Variants in NRG1 observed in about 807,000 individuals in gnomAD.
The protein encoded by NRG1 is pro-neuregulin-1, membrane-bound isoform.
NRG1 carries 18 observed loss-of-function variants against 63.8 expected under a neutral mutation model. The ratio of observed to expected loss-of-function variants is 0.28; its 90% CI spans 0.19 to 0.42. NRG1 has a LOEUF of 0.42. Among genes scored for constraint, NRG1 ranks in the 10% least tolerant of loss-of-function variants. The probability of loss-of-function intolerance (pLI) is 1.00; values close to 1 mark genes in which losing one functional copy is unlikely to be tolerated. For synonymous variants in NRG1, 302 were observed against 301.3 expected, an observed-to-expected ratio of 1.00 and a Z score of -0.02; for missense variants, 762 against 814.7, an observed-to-expected ratio of 0.94 and a Z score of 0.79.
intron 1 of NRG1, among the ~76,000 whole-genome samples, chr8:32,089,791 G>A (rs1473712377): frequency 1.3e-5 from 2 of 152,094 alleles, no homozygotes; most frequent in Admixed American, 1.3e-4. Context: ...GACACATATA[G>A]GTGGGAAAAA....
intron 1 of NRG1, among the ~76,000 whole-genome samples, chr8:31,792,777 A>G (rs1313436354): frequency 1.3e-5 from 2 of 152,212 alleles, no homozygotes; most frequent in East Asian, 1.9e-4. Flanking sequence ...AGTCTGGAAC[A>G]TGCCACATGT....
At chr8:31,663,689 G>A (rs1806237530) in intron 1 of NRG1, among the ~76,000 whole-genome samples, 1 of 152,178 alleles carries the variant, frequency 6.6e-6, no homozygotes, top group African/African-American at 2.4e-5. Flanking sequence ...GGGGAAGAGG[G>A]CTGGGTTATG....
chr8:31,675,731 A>G (rs539550092), intron 1 of NRG1, among the ~76,000 whole-genome samples: 2 of 152,316 alleles, frequency 1.3e-5, no homozygotes, highest in East Asian at 1.9e-4. Flanking sequence ...ATAACACCTT[A>G]CAATTGGAAA....
chr8:32,327,148 A>G (rs1802117576), intron 1 of NRG1, among the ~76,000 whole-genome samples: 1 of 152,216 alleles, frequency 6.6e-6, no homozygotes, highest in Non-Finnish European at 1.5e-5. Flanking sequence ...CAGAGATGAA[A>G]GAAAGAAGAG....
intron 1 of NRG1, among the ~76,000 whole-genome samples, chr8:32,344,384 C>CCTCTTTCTTTCTT (rs1462630663): frequency 0.025 from 1,760 of 69,482 alleles, 142 homozygotes; most frequent in Middle Eastern, 0.056. Flanking sequence ...CTTTCTTTCT[C>CCTCTTTCTTTCTT]TTTCTTTCTT....
intron 1 of NRG1, among the ~76,000 whole-genome samples, chr8:32,494,015 C>T (rs1826908632): frequency 6.6e-6 from 1 of 152,136 alleles, no homozygotes; most frequent in Non-Finnish European, 1.5e-5. Context: ...GCAGTCACCT[C>T]ACTTGGTAAT....
intron 1 of NRG1, among the ~76,000 whole-genome samples, chr8:32,482,398 T>TGTGTGTGTGTGTGTG (rs1825407330): frequency 2.0e-5 from 3 of 148,220 alleles, no homozygotes; most frequent in Admixed American, 1.3e-4. Context: ...CTTTCTACTT[T>TGTGTGTGTGTGTGTG]TGTGTGTGTG....
intron 1 of NRG1, among the ~76,000 whole-genome samples, chr8:32,530,083 A>T (rs1467757943): frequency 6.6e-6 from 1 of 152,044 alleles, no homozygotes; most frequent in Non-Finnish European, 1.5e-5. Context: ...AGGTGATAGG[A>T]ATTTTTTAGC....
At chr8:32,158,113 C>T (rs1242074657) in intron 1 of NRG1, among the ~76,000 whole-genome samples, 1 of 152,090 alleles carries the variant, frequency 6.6e-6, no homozygotes, top group Non-Finnish European at 1.5e-5. Context: ...GCATTCATTT[C>T]CCTGCTCCCT....
intron 1 of NRG1, among the ~76,000 whole-genome samples, chr8:31,915,942 G>C (rs1833345500): frequency 6.6e-6 from 1 of 152,018 alleles, no homozygotes; most frequent in Non-Finnish European, 1.5e-5. Flanking sequence ...TTTCTCAAAT[G>C]GTTGGTCCTT....
intron 1 of NRG1, among the ~76,000 whole-genome samples, chr8:31,983,580 CTA>C (rs1809539477): frequency 6.6e-6 from 1 of 151,948 alleles, no homozygotes; most frequent in South Asian, 2.1e-4. Context: ...TGGGATCTTG[CTA>C]TGTTTCCCAG....
chr8:32,435,115 G>A (rs181494779), intron 1 of NRG1, among the ~76,000 whole-genome samples: 14 of 152,076 alleles, frequency 9.2e-5, no homozygotes, highest in African/African-American at 1.7e-4. Flanking sequence ...AATTGGGATA[G>A]GTGAAGAAAG....
chr8:32,301,591 G>GAGTTAC (rs1563289643), intron 1 of NRG1, among the ~76,000 whole-genome samples: 1 of 152,160 alleles, frequency 6.6e-6, no homozygotes, highest in East Asian at 1.9e-4. Context: ...AGGTTTATTG[G>GAGTTAC]AGTTACAGTT....
intron 1 of NRG1, among the ~76,000 whole-genome samples, chr8:31,829,503 T>A (rs1188672917): frequency 6.6e-6 from 1 of 152,146 alleles, no homozygotes; most frequent in Non-Finnish European, 1.5e-5. Flanking sequence ...TTGGGTAAAA[T>A]TTTGAATGTT....
intron 1 of NRG1, among the ~76,000 whole-genome samples, chr8:32,365,085 C>A (rs991509454): frequency 6.6e-6 from 1 of 150,724 alleles, no homozygotes; most frequent in Non-Finnish European, 1.5e-5. Context: ...CTGCCTCCTG[C>A]CTGTGTTGCT....
At chr8:32,377,572 A>T (rs1363128553) in intron 1 of NRG1, among the ~76,000 whole-genome samples, 1 of 152,180 alleles carries the variant, frequency 6.6e-6, no homozygotes, top group Non-Finnish European at 1.5e-5. Flanking sequence ...GAACCAAAAC[A>T]GTTTTCACAT....
intron 1 of NRG1, among the ~76,000 whole-genome samples, chr8:32,492,221 G>A (rs896035372): frequency 1.6e-4 from 24 of 152,148 alleles, no homozygotes; most frequent in Admixed American, 1.4e-3. Context: ...GCTCAAGGTG[G>A]CCAATAAATC....
chr8:32,125,647 T>G (rs1833975877), intron 1 of NRG1, among the ~76,000 whole-genome samples: 1 of 151,848 alleles, frequency 6.6e-6, no homozygotes, highest in Non-Finnish European at 1.5e-5. Flanking sequence ...GTTTACCTGT[T>G]TGTTGATTCT....
intron 1 of NRG1, chr8:31,641,790 G>A (rs976582051): frequency 2.0e-5 from 3 of 152,034 alleles, no homozygotes; most frequent in East Asian, 3.9e-4. Context: ...TCTAATAGAC[G>A]TTTGGGTTAA....
Sources: gnomAD v4.1 joint callset for allele counts (sites outside exome capture counted in the v4.1 genomes callset) on GRCh38, gnomAD v4.1.1 for gene constraint, MANE v1.5 for transcripts, NCBI Gene and HGNC (gene_info 2026-07-23, HGNC 2026-07-21) for gene names.